LRFN5: variants seen among roughly 807,000 people sequenced by gnomAD.
LRFN5 encodes leucine-rich repeat and fibronectin type-III domain-containing protein 5.
LRFN5 carries 24 observed loss-of-function variants against 45.6 expected under a neutral mutation model. That is an observed-to-expected ratio of 0.53 (90% CI 0.38 to 0.74). The LOEUF (loss-of-function observed/expected upper bound fraction) is 0.74, where lower values mean the gene tolerates loss of function less well. Ranked by LOEUF, LRFN5 falls within the 30% of genes least tolerant of loss-of-function variation. The pLI is 0.00. For synonymous variants in LRFN5, 340 were observed against 313.8 expected (o/e 1.08, Z -0.88); for missense variants, 776 against 861.5 (o/e 0.90, Z 1.24).
intron 1 of LRFN5, among the ~76,000 whole-genome samples, chr14:41,748,585 G>A (rs1367664657): frequency 1.3e-5 from 2 of 151,946 alleles, no homozygotes; most frequent in African/African-American, 2.4e-5. Context: ...GGTAATGATG[G>A]TTGTGCAACA....
intron 1 of LRFN5, among the ~76,000 whole-genome samples, chr14:41,681,808 AT>A (rs1454303933): frequency 1.1e-5 from 1 of 92,320 alleles, no homozygotes; most frequent in Non-Finnish European, 1.8e-5. Context: ...TTATTTATTT[AT>A]TTATTTATTT....
chr14:41,614,766 A>T (rs1305226236), intron 1 of LRFN5, among the ~76,000 whole-genome samples: 1 of 152,098 alleles, frequency 6.6e-6, no homozygotes, highest in African/African-American at 2.4e-5. Flanking sequence ...AATATGACTT[A>T]TGCAATCAGA....
At chr14:41,884,305 A>G (rs1270145661) in intron 2 of LRFN5, among the ~76,000 whole-genome samples, 1 of 152,146 alleles carries the variant, frequency 6.6e-6, no homozygotes. Flanking sequence ...TTGTAATTTT[A>G]TTTGTTAATG....
chr14:41,743,326 G>A (rs1884786878), intron 1 of LRFN5, among the ~76,000 whole-genome samples: 1 of 147,224 alleles, frequency 6.8e-6, no homozygotes, highest in Non-Finnish European at 1.5e-5. Context: ...TATACATGGT[G>A]TATGCTAGAG....
At chr14:41,834,337 C>T (rs919287073) in intron 2 of LRFN5, among the ~76,000 whole-genome samples, 8 of 152,048 alleles carry the variant, frequency 5.3e-5, no homozygotes, top group Admixed American at 2.0e-4. Context: ...CATTTACTCA[C>T]TTACTTACTT....
At chr14:41,732,783 C>CAA (rs140631411) in intron 1 of LRFN5, among the ~76,000 whole-genome samples, 12 of 141,072 alleles carry the variant, frequency 8.5e-5, no homozygotes, top group African/African-American at 2.0e-4. Flanking sequence ...ATCTACTAGA[C>CAA]AAAAAAAAAA....
At chr14:41,707,352 T>G (rs562206741) in intron 1 of LRFN5, among the ~76,000 whole-genome samples, 2 of 152,334 alleles carry the variant, frequency 1.3e-5, no homozygotes, top group South Asian at 4.1e-4. Flanking sequence ...GTTTTATGTT[T>G]TGGTTAAGAA....
chr14:41,901,991 C>G (rs1414041047), intron 5 of LRFN5, among the ~76,000 whole-genome samples: 2 of 151,870 alleles, frequency 1.3e-5, no homozygotes, highest in East Asian at 1.9e-4. Context: ...AAAAGGAGAG[C>G]CTTTGGGTCA....
intron 2 of LRFN5, among the ~76,000 whole-genome samples, chr14:41,831,687 C>T (rs1031815092): frequency 1.9e-4 from 29 of 152,150 alleles, no homozygotes; most frequent in African/African-American, 6.8e-4. Context: ...TTTACAACTA[C>T]CACTGTCCTT....
intron 2 of LRFN5, among the ~76,000 whole-genome samples, chr14:41,806,997 A>G (rs74045435): frequency 0.012 from 1,847 of 152,270 alleles, 36 homozygotes; most frequent in African/African-American, 0.041. Flanking sequence ...AAGTAACTAC[A>G]CTACTACCTT....
At chr14:41,732,679 A>G (rs1884231321) in intron 1 of LRFN5, among the ~76,000 whole-genome samples, 1 of 152,064 alleles carries the variant, frequency 6.6e-6, no homozygotes, top group Non-Finnish European at 1.5e-5. Context: ...ATTCAAATGT[A>G]TAGTTTTCAG....
chr14:41,765,147 C>T (rs1885826815), intron 1 of LRFN5, among the ~76,000 whole-genome samples: 1 of 151,974 alleles, frequency 6.6e-6, no homozygotes, highest in African/African-American at 2.4e-5. Flanking sequence ...CGAGACCATC[C>T]TGGCTAACAC....
At chr14:41,670,290 T>G (rs1219652009) in intron 1 of LRFN5, among the ~76,000 whole-genome samples, 2 of 67,078 alleles carry the variant, frequency 3.0e-5, no homozygotes, top group African/African-American at 1.4e-4. Flanking sequence ...TATATATATA[T>G]ATATATATAT....
chr14:41,686,237 G>A (rs1882116253), intron 1 of LRFN5, among the ~76,000 whole-genome samples: 1 of 151,692 alleles, frequency 6.6e-6, no homozygotes, highest in Non-Finnish European at 1.5e-5. Context: ...AATTGTAAAC[G>A]GGAGTTCATT....
chr14:41,668,054 T>C (rs1409047977), intron 1 of LRFN5, among the ~76,000 whole-genome samples: 2 of 152,244 alleles, frequency 1.3e-5, no homozygotes, highest in East Asian at 3.9e-4. Flanking sequence ...CTCTCACTTA[T>C]AAAGTGGAGG....
intron 2 of LRFN5, among the ~76,000 whole-genome samples, chr14:41,813,600 C>T (rs1293440235): frequency 6.6e-6 from 1 of 152,150 alleles, no homozygotes; most frequent in African/African-American, 2.4e-5. Flanking sequence ...CATTGATGGA[C>T]ATTTAAGTTG....
At chr14:41,828,658 T>C (rs938064391) in intron 2 of LRFN5, among the ~76,000 whole-genome samples, 15 of 152,014 alleles carry the variant, frequency 9.9e-5, no homozygotes, top group Admixed American at 5.2e-4. Context: ...AAATAAGTCC[T>C]ATTGATTCTC....
chr14:41,671,617 G>GTTT lies in LRFN5; in HGVS notation c.-197+63073_-197+63075dup, dbSNP rs914212982. ...TGTGGAGGAGAGATTTTTTTTTTTC[G>GTTT]TTTTTTTTTTTTTTTTTTTTACGGA... On this transcript the variant is annotated intron_variant, in intron 1 of 5. Transcript: ENST00000298119. 3.8e-4 allele frequency among the ~76,000 whole-genome samples: 30 copies of GTTT among 78,022 alleles called. 2 individuals are homozygous for GTTT. Among genetic ancestry groups the GTTT allele is most frequent in the African/African-American group, 1.3e-3 (25 of 18,598 alleles). The allele number at this position is 78,022 out of a possible 152,430, so 51.2% of individuals were successfully genotyped here.
intron 2 of LRFN5, among the ~76,000 whole-genome samples, chr14:41,819,725 T>C (rs573105305): frequency 1.6e-4 from 24 of 152,040 alleles, no homozygotes; most frequent in Non-Finnish European, 2.9e-4. Flanking sequence ...TGAGAACTCA[T>C]TATGGTCACT....
Sources: gnomAD v4.1 joint callset for allele counts (sites outside exome capture counted in the v4.1 genomes callset) on GRCh38, gnomAD v4.1.1 for gene constraint, MANE v1.5 for transcripts, NCBI Gene and HGNC (gene_info 2026-07-23, HGNC 2026-07-21) for gene names.